SUCLG2: variants seen among roughly 807,000 people sequenced by gnomAD.
SUCLG2 encodes succinate-CoA ligase GDP-forming subunit beta, also known as succinate--CoA ligase [GDP-forming] subunit beta, mitochondrial.
Under a neutral mutation model 47.9 loss-of-function variants are expected in SUCLG2, and 42 were observed. The ratio of observed to expected loss-of-function variants is 0.88; its 90% CI spans 0.69 to 1.14. The LOEUF is 1.14. Among genes scored for constraint, SUCLG2 ranks in the 50% most tolerant of loss-of-function variants. SUCLG2 has a pLI of 0.00. For synonymous variants in SUCLG2, 195 were observed against 197.3 expected (o/e 0.99, Z 0.10); for missense variants, 571 against 525.9 (o/e 1.09, Z -0.84).
chr3:67,621,525 A>G (rs1700736864), intron 1 of SUCLG2, among the ~76,000 whole-genome samples: 1 of 152,182 alleles, frequency 6.6e-6, no homozygotes, highest in Non-Finnish European at 1.5e-5. Context: ...TTAATCTCCA[A>G]TGTGGCAGTA....
At chr3:67,587,546 C>T (rs1000042277) in intron 2 of SUCLG2, among the ~76,000 whole-genome samples, 22 of 152,018 alleles carry the variant, frequency 1.4e-4, no homozygotes, top group Non-Finnish European at 2.9e-4. Context: ...GAGAAGATGC[C>T]AGAAGGACCC....
At chr3:67,501,998 G>A (rs982228678) in intron 7 of SUCLG2, among the ~76,000 whole-genome samples, 3 of 152,064 alleles carry the variant, frequency 2.0e-5, no homozygotes, top group African/African-American at 7.2e-5. Context: ...GTAAATGATG[G>A]GGCACAAGGA....
At chr3:67,620,310 G>A (rs1322805404) in intron 1 of SUCLG2, among the ~76,000 whole-genome samples, 2 of 126,296 alleles carry the variant, frequency 1.6e-5, no homozygotes, top group African/African-American at 7.1e-5. Context: ...GAGGCCGGGT[G>A]CAGTGGCTCA....
chr3:67,607,658 T>C (rs1368266852), intron 2 of SUCLG2, among the ~76,000 whole-genome samples: 1 of 152,108 alleles, frequency 6.6e-6, no homozygotes, highest in Non-Finnish European at 1.5e-5. Flanking sequence ...CCCTTTGATA[T>C]GGTTTGGCTG....
intron 9 of SUCLG2, among the ~76,000 whole-genome samples, chr3:67,460,419 C>T (rs1221411729): frequency 6.6e-6 from 1 of 152,182 alleles, no homozygotes; most frequent in Non-Finnish European, 1.5e-5. Flanking sequence ...TTATTCTCAT[C>T]AATCTTCACA....
intron 2 of SUCLG2, among the ~76,000 whole-genome samples, chr3:67,540,902 A>G (rs2107174007): frequency 6.6e-6 from 1 of 152,362 alleles, no homozygotes; most frequent in East Asian, 1.9e-4. Context: ...TACTCAGGCA[A>G]ACAGGTTCTG....
chr3:67,566,992 C>T (rs1443459801), intron 2 of SUCLG2, among the ~76,000 whole-genome samples: 1 of 152,108 alleles, frequency 6.6e-6, no homozygotes, highest in South Asian at 2.1e-4. Flanking sequence ...CAAGACTAGC[C>T]TGGCAACATG....
intron 2 of SUCLG2, among the ~76,000 whole-genome samples, chr3:67,607,428 C>A (rs1018521100): frequency 6.6e-6 from 1 of 151,756 alleles, no homozygotes; most frequent in Non-Finnish European, 1.5e-5. Context: ...TTAATTTCAC[C>A]CTTTTTTTCA....
At chr3:67,639,454 C>T (rs1467977047) in intron 1 of SUCLG2, among the ~76,000 whole-genome samples, 1 of 141,246 alleles carries the variant, frequency 7.1e-6, no homozygotes. Context: ...GCAGCAGATG[C>T]TCTCAGTGCT....
chr3:67,509,962 A>T (rs1359127057), intron 6 of SUCLG2, among the ~76,000 whole-genome samples: 1 of 152,058 alleles, frequency 6.6e-6, no homozygotes, highest in African/African-American at 2.4e-5. Flanking sequence ...TGAGAGATGG[A>T]GGTGGGAAGA....
intron 9 of SUCLG2, among the ~76,000 whole-genome samples, chr3:67,477,112 C>A (rs542622389): frequency 6.6e-6 from 1 of 152,218 alleles, no homozygotes; most frequent in African/African-American, 2.4e-5. Context: ...AGGGTTATCA[C>A]CCTCTGTATC....
chr3:67,545,860 A>C (rs1706849131), intron 2 of SUCLG2, among the ~76,000 whole-genome samples: 1 of 152,182 alleles, frequency 6.6e-6, no homozygotes, highest in Non-Finnish European at 1.5e-5. Flanking sequence ...GCAGCCAGAG[A>C]GATCCACATT....
chr3:67,632,737 A>AAACGGAGGCACAGAAAG (rs1274614319), intron 1 of SUCLG2, among the ~76,000 whole-genome samples: 1 of 152,196 alleles, frequency 6.6e-6, no homozygotes, highest in Non-Finnish European at 1.5e-5. Flanking sequence ...TGCAGATGGA[A>AAACGGAGGCACAGAAAG]AACGGAGGCA....
chr3:67,373,186 T>C (rs914281560), downstream of SUCLG2, among the ~76,000 whole-genome samples: 7 of 152,162 alleles, frequency 4.6e-5, no homozygotes, highest in Admixed American at 1.3e-4. Context: ...ATATTTACTT[T>C]AGTAATGTGA....
At chr3:67,469,536 T>C (rs771568543) in intron 9 of SUCLG2, among the ~76,000 whole-genome samples, 3 of 151,348 alleles carry the variant, frequency 2.0e-5, no homozygotes, top group Non-Finnish European at 2.9e-5. Flanking sequence ...GAGACCAGCC[T>C]GGCCAACATG....
chr3:67,491,386 C>T (rs1433938141), intron 9 of SUCLG2, among the ~76,000 whole-genome samples: 11 of 116,756 alleles, frequency 9.4e-5, no homozygotes, highest in African/African-American at 1.7e-4. Flanking sequence ...TTTTTCCAGA[C>T]GAAGTCTCGC....
At chr3:67,366,694 T>A (rs571853783) in intron 10 of SUCLG2, among the ~76,000 whole-genome samples, 1 of 152,186 alleles carries the variant, frequency 6.6e-6, no homozygotes, top group East Asian at 1.9e-4. Flanking sequence ...TGAGCACTCA[T>A]AGGATGACAA....
intron 9 of SUCLG2, among the ~76,000 whole-genome samples, chr3:67,463,299 T>C (rs1284216706): frequency 6.6e-6 from 1 of 152,190 alleles, no homozygotes; most frequent in Non-Finnish European, 1.5e-5. Context: ...CAATGTTAAT[T>C]CCTTATTATT....
chr3:67,399,119 T>C (rs1702624147), intron 10 of SUCLG2, among the ~76,000 whole-genome samples: 1 of 151,088 alleles, frequency 6.6e-6, no homozygotes, highest in Non-Finnish European at 1.5e-5. Context: ...CATGTATACA[T>C]AGGTAACTAA....
Sources: allele counts gnomAD v4.1 joint callset (sites outside exome capture counted in the v4.1 genomes callset), GRCh38; gene constraint gnomAD v4.1.1; transcripts MANE v1.5; gene names NCBI Gene and HGNC (gene_info 2026-07-23, HGNC 2026-07-21).